ATP8B4: variants seen among roughly 807,000 people sequenced by gnomAD.
ATP8B4 encodes probable phospholipid-transporting ATPase IM.
A neutral mutation model predicts 145.6 loss-of-function variants in ATP8B4; 133 were observed. The observed-to-expected ratio is 0.91, with a 90% CI of 0.79 to 1.05. ATP8B4 has a LOEUF of 1.05. Ranked by LOEUF, ATP8B4 falls within the 50% of genes least tolerant of loss-of-function variation. ATP8B4 has a pLI of 0.00. For missense variants in ATP8B4, 1,458 were observed against 1,425.2 expected, an observed-to-expected ratio of 1.02 and a Z score of -0.37; for synonymous variants, 507 against 492.9, an observed-to-expected ratio of 1.03 and a Z score of -0.38.
chr15:49,951,432 C>A (rs959487398), intron 14 of ATP8B4, among the ~76,000 whole-genome samples: 1 of 152,092 alleles, frequency 6.6e-6, no homozygotes, highest in Non-Finnish European at 1.5e-5. Flanking sequence ...TTGAATTGTT[C>A]CCTTTACCAT....
intron 14 of ATP8B4, among the ~76,000 whole-genome samples, chr15:49,946,157 AT>A (rs2042548373): frequency 6.6e-6 from 1 of 152,212 alleles, no homozygotes; most frequent in South Asian, 2.1e-4. Flanking sequence ...AAGACAAAAA[AT>A]TTTAAAAAGT....
At chr15:50,172,401 C>T (rs1359295828) in intron 1 of ATP8B4, among the ~76,000 whole-genome samples, 1 of 152,256 alleles carries the variant, frequency 6.6e-6, no homozygotes, top group Admixed American at 6.5e-5. Context: ...GCCTCGGCCT[C>T]CGGAGGTGCC....
intron 1 of ATP8B4, among the ~76,000 whole-genome samples, chr15:50,165,537 C>A (rs7170278): frequency 1.3e-5 from 2 of 151,688 alleles, no homozygotes; most frequent in African/African-American, 4.9e-5. Flanking sequence ...TCTCCTCCCC[C>A]TAAATAAAAA....
chr15:50,146,864 C>T (rs1451346966), intron 1 of ATP8B4, among the ~76,000 whole-genome samples: 1 of 151,880 alleles, frequency 6.6e-6, no homozygotes, highest in Non-Finnish European at 1.5e-5. Context: ...AGGTTCCACA[C>T]AGGAAGAGGA....
At position 49,876,459 on chromosome 15, in the gene ATP8B4, A is replaced by C; in HGVS notation, c.2846T>G (p.Leu949Arg). ...QLYKPGQLNL[L>R]FNKRKFFICV... ...AATGAAAAATTTACGCTTGTTAAAA[A>C]GCAGATTCAGCTGTCCTGGTTTGTA... Residue 949 changes from leucine (L) to arginine (R), a missense_variant, in exon 25 of 28, where the codon CTT becomes CGT. Transcript: ENST00000284509. 1 of 1,614,148 alleles carries C rather than the reference A, an allele frequency of 6.2e-7. No homozygotes were observed. The highest frequency in any genetic ancestry group is 8.5e-7 in the Non-Finnish European group (1 of 1,179,972).
chr15:50,130,024 A>G (rs2057335402), intron 1 of ATP8B4, among the ~76,000 whole-genome samples: 1 of 152,048 alleles, frequency 6.6e-6, no homozygotes, highest in Admixed American at 6.6e-5. Flanking sequence ...TTCATTTGCT[A>G]TAAAGAGATC....
intron 23 of ATP8B4, among the ~76,000 whole-genome samples, chr15:49,882,390 C>T (rs185374871): frequency 6.6e-4 from 101 of 152,298 alleles, no homozygotes; most frequent in South Asian, 6.4e-3. Flanking sequence ...CTTCTAGATA[C>T]ATATGTTCAC....
At chr15:49,900,265 A>G (rs1448740163) in intron 21 of ATP8B4, among the ~76,000 whole-genome samples, 1 of 152,222 alleles carries the variant, frequency 6.6e-6, no homozygotes, top group Non-Finnish European at 1.5e-5. Context: ...ACTAAGAGCT[A>G]ACAACAGACA....
At chr15:50,117,263 T>C (rs559122184) in intron 1 of ATP8B4, among the ~76,000 whole-genome samples, 4 of 152,238 alleles carry the variant, frequency 2.6e-5, no homozygotes, top group African/African-American at 9.6e-5. Flanking sequence ...TTGGCCAGGG[T>C]AGTCTCGAAC....
intron 10 of ATP8B4, among the ~76,000 whole-genome samples, chr15:49,985,435 T>C (rs2046522444): frequency 2.0e-5 from 3 of 152,210 alleles, no homozygotes; most frequent in Admixed American, 2.0e-4. Flanking sequence ...CTGGAACTAG[T>C]TCCCCAACTA....
chr15:49,963,914 A>G (rs1446101072), intron 13 of ATP8B4, among the ~76,000 whole-genome samples: 1 of 152,220 alleles, frequency 6.6e-6, no homozygotes, highest in Non-Finnish European at 1.5e-5. Flanking sequence ...AGTTGAAAAA[A>G]AAAAAGTTAC....
At chr15:49,874,656 A>T (rs767278051) in intron 25 of ATP8B4, among the ~76,000 whole-genome samples, 10 of 152,214 alleles carry the variant, frequency 6.6e-5, no homozygotes, top group Non-Finnish European at 1.2e-4. Flanking sequence ...ATCATTCTAT[A>T]TCATTCTTAT....
chr15:50,167,555 T>C (rs76881444), intron 1 of ATP8B4, among the ~76,000 whole-genome samples: 6,114 of 113,570 alleles, frequency 0.054, 182 homozygotes, highest in African/African-American at 0.12. Context: ...CTTAGCTTAA[T>C]GATATCTGCA....
At chr15:49,961,711 T>C (rs1450152218) in intron 14 of ATP8B4, among the ~76,000 whole-genome samples, 1 of 152,166 alleles carries the variant, frequency 6.6e-6, no homozygotes, top group African/African-American at 2.4e-5. Flanking sequence ...ACCTATATAA[T>C]TATTTTTCTC....
intron 25 of ATP8B4, among the ~76,000 whole-genome samples, chr15:49,872,366 C>T (rs1431714765): frequency 2.6e-5 from 4 of 152,050 alleles, no homozygotes; most frequent in African/African-American, 9.7e-5. Flanking sequence ...GATACTCCTT[C>T]CTCTAGGAGG....
chr15:50,008,443 A>C (rs1211985574), intron 7 of ATP8B4, among the ~76,000 whole-genome samples: 1 of 152,182 alleles, frequency 6.6e-6, no homozygotes, highest in Admixed American at 6.5e-5. Flanking sequence ...ATAAAAGGCC[A>C]CATCCGTGTG....
intron 2 of ATP8B4, among the ~76,000 whole-genome samples, chr15:50,100,702 G>A (rs1247829399): frequency 6.6e-6 from 1 of 152,128 alleles, no homozygotes; most frequent in East Asian, 1.9e-4. Context: ...GCAGGTCATG[G>A]GCCATTGTAA....
At chr15:50,181,396 T>C (rs1183943305) in intron 1 of ATP8B4, among the ~76,000 whole-genome samples, 1 of 152,230 alleles carries the variant, frequency 6.6e-6, no homozygotes, top group African/African-American at 2.4e-5. Flanking sequence ...ACTTACTCAA[T>C]GTCCTCTGTA....
At chr15:50,024,540 G>C (rs1370581695) in intron 6 of ATP8B4, among the ~76,000 whole-genome samples, 2 of 152,124 alleles carry the variant, frequency 1.3e-5, no homozygotes, top group Non-Finnish European at 2.9e-5. Flanking sequence ...CCTGGAAAGG[G>C]GCAAGGTAAC....
Sources: allele counts gnomAD v4.1 joint callset (sites outside exome capture counted in the v4.1 genomes callset), GRCh38; gene constraint gnomAD v4.1.1; transcripts MANE v1.5; gene names NCBI Gene and HGNC (gene_info 2026-07-23, HGNC 2026-07-21).